MGRN1: variants seen among roughly 807,000 people sequenced by gnomAD.
The protein encoded by MGRN1 is E3 ubiquitin-protein ligase MGRN1.
MGRN1 carries 29 observed loss-of-function variants against 69.2 expected under a neutral mutation model. That is an observed-to-expected ratio of 0.42 (90% CI 0.31 to 0.57). MGRN1 has a LOEUF of 0.57. MGRN1 is among the 20% of genes least tolerant of loss of function. The probability of loss-of-function intolerance (pLI) is 0.15; values close to 1 mark genes in which losing one functional copy is unlikely to be tolerated. For missense variants in MGRN1, 998 were observed against 796.2 expected (o/e 1.25, Z -3.05); for synonymous variants, 470 against 344.2 (o/e 1.37, Z -4.04).
intron 8 of MGRN1, 172 bp from the exon 9 acceptor site, chr16:4,671,218 TG>T (rs202217896): frequency 0.028 from 17,642 of 621,428 alleles, 338 homozygotes; most frequent in Non-Finnish European, 0.038. Flanking sequence ...GCTGGTTGGG[TG>T]GGGGCAAGCA....
intron 5 of MGRN1, among the ~76,000 whole-genome samples, chr16:4,662,494 TAACA>T (rs1291168521): frequency 1.3e-5 from 2 of 149,178 alleles, no homozygotes; most frequent in Non-Finnish European, 3.0e-5. Context: ...CCATCCTGGG[TAACA>T]GATCAAGACT....
chr16:4,638,134 C>T (rs947958541), intron 1 of MGRN1, among the ~76,000 whole-genome samples: 1 of 152,102 alleles, frequency 6.6e-6, no homozygotes, highest in South Asian at 2.1e-4. Context: ...ATCCTCAGGA[C>T]GTCCTGAGTT....
rs149138265 is a variant in MGRN1, at chr16:4,672,203, C to A, written c.795+744C>A. On this transcript the variant is annotated intron_variant, in intron 9 of 16. Transcript: ENST00000262370. ...ACAGGCGTGAACCACCGCGCCCAGC[C>A]TAATTTTTAATTTTTGTATTTTTAG... Among the ~76,000 whole-genome samples, 601 of 152,212 alleles carry A rather than the reference C, an allele frequency of 3.9e-3. 2 individuals are homozygous for A. The highest frequency in any genetic ancestry group is 0.014 in the African/African-American group (571 of 41,538).
chr16:4,682,764 G>C, intron 13 of MGRN1, 59 bp from the exon 14 acceptor site: 3 of 1,457,408 alleles, frequency 2.1e-6, no homozygotes, highest in Non-Finnish European at 2.7e-6. Context: ...GGCTTTGGCA[G>C]GGTTAGCCTT....
At chr16:4,638,201 G>A (rs1046816917) in intron 1 of MGRN1, among the ~76,000 whole-genome samples, 18 of 152,082 alleles carry the variant, frequency 1.2e-4, no homozygotes, top group South Asian at 6.2e-4. Context: ...TGGGTGTGGT[G>A]GCTCCCTGTA....
chr16:4,668,164 A>T, intron 7 of MGRN1, 101 bp from the exon 8 acceptor site: 2 of 751,536 alleles, frequency 2.7e-6, no homozygotes, highest in South Asian at 2.3e-5. Flanking sequence ...AGCTGTGGGC[A>T]TGGATTGGCT....
chr16:4,626,684 TCTTCA>T, intron 1 of MGRN1, among the ~76,000 whole-genome samples: 1 of 152,362 alleles, frequency 6.6e-6, no homozygotes, highest in African/African-American at 2.4e-5. Context: ...TGATGTCCGT[TCTTCA>T]CTTGGGCTGA....
At chr16:4,656,284 C>T (rs2078535590) in intron 4 of MGRN1, among the ~76,000 whole-genome samples, 1 of 152,214 alleles carries the variant, frequency 6.6e-6, no homozygotes, top group African/African-American at 2.4e-5. Context: ...TGTTGGTGAC[C>T]ATCTGCTGGT....
chr16:4,630,253 G>A (rs1293734876), intron 1 of MGRN1, among the ~76,000 whole-genome samples: 2 of 149,756 alleles, frequency 1.3e-5, no homozygotes, highest in East Asian at 4.0e-4. Context: ...TTGGGAGGCC[G>A]AGGCAGAAGA....
intron 1 of MGRN1, 81 bp downstream of exon 1, chr16:4,625,129 G>GC: frequency 2.3e-6 from 3 of 1,316,052 alleles, no homozygotes; most frequent in Non-Finnish European, 3.0e-6. Context: ...GGGACTCGGG[G>GC]CGGGGCGCCC....
intron 1 of MGRN1, among the ~76,000 whole-genome samples, chr16:4,629,583 A>G (rs1333762528): frequency 6.6e-6 from 1 of 152,056 alleles, no homozygotes; most frequent in Non-Finnish European, 1.5e-5. Context: ...TACTAAAAAT[A>G]CAAAAATTAG....
intron 5 of MGRN1, among the ~76,000 whole-genome samples, chr16:4,657,784 C>T (rs139542531): frequency 3.9e-4 from 48 of 124,474 alleles, no homozygotes; most frequent in East Asian, 2.9e-3. Flanking sequence ...CTCGCTCTGT[C>T]GCCCAGGCTG....
chr16:4,681,473 A>G, intron 12 of MGRN1, 77 bp from the exon 13 acceptor site: 2 of 1,373,946 alleles, frequency 1.5e-6, no homozygotes, highest in Non-Finnish European at 2.0e-6. Flanking sequence ...CAGAGTGGAC[A>G]GGAGGTCATC....
intron 8 of MGRN1, among the ~76,000 whole-genome samples, chr16:4,670,982 A>G (rs540596981): frequency 6.6e-5 from 10 of 152,318 alleles, no homozygotes; most frequent in Admixed American, 5.2e-4. Flanking sequence ...GAAACCAGAG[A>G]GGCTTCATGC....
intron 16 of MGRN1, 36 bp from the exon 17 acceptor site, chr16:4,688,760 C>T (rs116559194): frequency 4.3e-5 from 65 of 1,516,192 alleles, no homozygotes; most frequent in East Asian, 1.0e-4. Context: ...ACCAGGCATC[C>T]GAGTGTGACC....
intron 5 of MGRN1, among the ~76,000 whole-genome samples, chr16:4,660,079 A>G (rs868709539): frequency 6.6e-6 from 1 of 152,258 alleles, no homozygotes; most frequent in African/African-American, 2.4e-5. Flanking sequence ...TGGGCCAGGC[A>G]TGGCTTAGCA....
At chr16:4,681,985 C>CGG (rs2079192952) in intron 13 of MGRN1, among the ~76,000 whole-genome samples, 1 of 151,298 alleles carries the variant, frequency 6.6e-6, no homozygotes, top group African/African-American at 2.4e-5. Flanking sequence ...GTCCGGGCAG[C>CGG]TGGAGGCTTT....
intron 16 of MGRN1, chr16:4,686,211 C>T (rs906920145): frequency 1.1e-5 from 17 of 1,536,196 alleles, no homozygotes; most frequent in Non-Finnish European, 1.2e-5. Context: ...CTGGCTGCTG[C>T]GCGCTTGCTA....
rs199517738 is a variant in MGRN1 at position 4,667,311 on chromosome 16, CTGTG to C, written c.679-950_679-947del. Among the ~76,000 whole-genome samples, 486 of 152,382 alleles carry C rather than the reference CTGTG, an allele frequency of 3.2e-3. 2 individuals are homozygous for C. The highest frequency in any genetic ancestry group is 0.011 in the African/African-American group (464 of 41,594). On this transcript the variant is annotated intron_variant, in intron 7 of 16. Coordinates refer to ENST00000262370, the MANE Select transcript of MGRN1 (RefSeq NM_015246.4). ...TTAGCTGGGTAGAGGACCCTCTCCT[CTGTG>C]TGTCCTGTGGCGAGGCTGGGTCTGT... is the stretch of plus-strand genomic sequence containing the variant.
Sources: allele counts gnomAD v4.1 joint callset (sites outside exome capture counted in the v4.1 genomes callset), GRCh38; gene constraint gnomAD v4.1.1; transcripts MANE v1.5; gene names NCBI Gene and HGNC (gene_info 2026-07-23, HGNC 2026-07-21).